Variants in ATL2 observed in about 807,000 individuals in gnomAD.
ATL2 encodes the protein atlastin-2.
A neutral mutation model predicts 73.9 loss-of-function variants in ATL2; 31 were observed. The ratio of observed to expected loss-of-function variants is 0.42; its 90% CI spans 0.32 to 0.57. The LOEUF is 0.57. Among genes scored for constraint, ATL2 ranks in the 20% least tolerant of loss-of-function variants. ATL2 has a pLI of 0.14. For synonymous variants in ATL2, 291 were observed against 237.5 expected, an observed-to-expected ratio of 1.23 and a Z score of -2.07; for missense variants, 738 against 702.6, an observed-to-expected ratio of 1.05 and a Z score of -0.57.
intron 1 of ATL2, among the ~76,000 whole-genome samples, chr2:38,346,034 A>C (rs1669998485): frequency 6.6e-6 from 1 of 152,224 alleles, no homozygotes. Context: ...CCAAAATGCT[A>C]TGGTGATTTT....
At chr2:38,375,931 T>C (rs1362919494) in intron 1 of ATL2, among the ~76,000 whole-genome samples, 1 of 152,224 alleles carries the variant, frequency 6.6e-6, no homozygotes, top group Non-Finnish European at 1.5e-5. Flanking sequence ...CGCCAAGAAC[T>C]ACCAGGAATG....
In ATL2 at chr2:38,309,459, G is replaced by A; in HGVS notation, c.991C>T (p.Leu331=). The change falls in exon 9 of 13, where the codon CTG becomes TTG. Residue 331 remains leucine, a synonymous_variant. Transcript: ENST00000378954. ...KRELRNLVPL[L]LAPENLVEKE... Reference sequence around the variant, plus strand: ...TCTACCAAATTTTCAGGGGCAAGCAGCAATGGAACCAGATTTCGAAGCTCT... The same window carrying A: ...TCTACCAAATTTTCAGGGGCAAGCAACAATGGAACCAGATTTCGAAGCTCT... 2 of 1,612,638 alleles carry A rather than the reference G, an allele frequency of 1.2e-6. No individual in the cohort carries two copies. The highest frequency in any genetic ancestry group is 1.7e-6 in the Non-Finnish European group (2 of 1,179,662).
chr2:38,318,901 C>T lies in ATL2; in HGVS notation c.482G>A (p.Arg161Lys). Residue 161 changes from arginine to lysine, a missense_variant, in exon 3 of 13, where the codon AGA becomes AAA. Coordinates refer to ENST00000378954, the MANE Select transcript of ATL2 (RefSeq NM_001135673.4). ...GAATTTTACTTTAGTTCCATTAGGTCTGTCAATCACAAATACTTCATTCCA... is the reference window on the plus strand; with the variant it reads ...GAATTTTACTTTAGTTCCATTAGGTTTGTCAATCACAAATACTTCATTCCA... ...QVWNEVFVIDRPNGTKVAVLL... is the reference protein window; with the variant it reads ...QVWNEVFVIDKPNGTKVAVLL... 2 of 1,613,246 alleles carry T rather than the reference C, an allele frequency of 1.2e-6. No individual in the cohort carries two copies. The highest frequency in any genetic ancestry group is 1.7e-6 in the Non-Finnish European group (2 of 1,179,808).
intron 2 of ATL2, among the ~76,000 whole-genome samples, chr2:38,341,196 C>T (rs902514170): frequency 2.0e-5 from 3 of 152,136 alleles, no homozygotes; most frequent in African/African-American, 7.2e-5. Flanking sequence ...CAGATAGATA[C>T]AATATACACA....
intron 9 of ATL2, among the ~76,000 whole-genome samples, chr2:38,305,647 A>G (rs556884961): frequency 6.6e-6 from 1 of 152,328 alleles, no homozygotes; most frequent in Admixed American, 6.5e-5. Context: ...ATACAAACAC[A>G]TGGAAATTAT....
At chr2:38,375,170 G>C (rs1403185968) in intron 1 of ATL2, among the ~76,000 whole-genome samples, 2 of 152,106 alleles carry the variant, frequency 1.3e-5, no homozygotes, top group African/African-American at 4.8e-5. Flanking sequence ...ACCCCAACTT[G>C]GTTTTTGAAG....
At chr2:38,373,124 A>T (rs1671776487) in intron 1 of ATL2, among the ~76,000 whole-genome samples, 1 of 152,174 alleles carries the variant, frequency 6.6e-6, no homozygotes, top group Non-Finnish European at 1.5e-5. Flanking sequence ...TCACTACCTT[A>T]TATGAGGGCT....
chr2:38,298,844 T>C (rs1474717450), intron 11 of ATL2, among the ~76,000 whole-genome samples: 1 of 152,176 alleles, frequency 6.6e-6, no homozygotes, highest in Non-Finnish European at 1.5e-5. Flanking sequence ...CACTTGACCA[T>C]CATATACCAT....
chr2:38,327,091 G>C (rs1311216014), intron 2 of ATL2, among the ~76,000 whole-genome samples: 1 of 151,956 alleles, frequency 6.6e-6, no homozygotes, highest in Non-Finnish European at 1.5e-5. Flanking sequence ...CTAGAATTCT[G>C]TATCCAGTAA....
Position 38,352,798 on chromosome 2 carries a change from G to A in ATL2, c.119-9286C>T, listed in dbSNP as rs570141424. On this transcript the variant is annotated intron_variant, in intron 1 of 12. Coordinates refer to ENST00000378954, the MANE Select transcript of ATL2 (RefSeq NM_001135673.4). ...GTCAAGTTCTAGAGTAAGGCCTACT[G>A]ACAATCCATCCAATCAAAGCCTAAA... Among the ~76,000 whole-genome samples, 3 of 152,322 alleles carry A rather than the reference G, an allele frequency of 2.0e-5. No individual in the cohort carries two copies. In the East Asian group the frequency reaches 5.8e-4, roughly 29 times the overall value.
chr2:38,369,427 A>T (rs1332821321), intron 1 of ATL2, among the ~76,000 whole-genome samples: 1 of 152,036 alleles, frequency 6.6e-6, no homozygotes, highest in Non-Finnish European at 1.5e-5. Context: ...TGGGCGACAG[A>T]GTAAGACTCT....
chr2:38,298,823 G>T (rs558438995), intron 11 of ATL2, among the ~76,000 whole-genome samples: 4 of 152,162 alleles, frequency 2.6e-5, no homozygotes, highest in Non-Finnish European at 5.9e-5. Flanking sequence ...ACTGTGCTCT[G>T]TATCTGCCTT....
chr2:38,298,348 G>C lies in ATL2; in HGVS notation c.1428C>G (p.Ala476=). 6.2e-7 allele frequency: 1 copy of C among 1,614,224 alleles called. No individual in the cohort carries two copies. The highest frequency in any genetic ancestry group is 8.5e-7 in the Non-Finnish European group (1 of 1,180,024). ...TAGCAAACATGACCGCAAACAGTGT[G>C]GCTGGGGTACGAGCAGCATAGAAGA... ...KNIFYAARTP[A]TLFAVMFAMY... The change falls in exon 12 of 13, where the codon GCC becomes GCG. Residue 476 remains alanine, a synonymous_variant. Coordinates refer to ENST00000378954, the MANE Select transcript of ATL2 (RefSeq NM_001135673.4).
chr2:38,355,082 G>A (rs1025694512), intron 1 of ATL2, among the ~76,000 whole-genome samples: 9 of 141,330 alleles, frequency 6.4e-5, no homozygotes, highest in East Asian at 2.0e-4. Flanking sequence ...CAATAAAAAC[G>A]CAGAGACTGC....
intron 1 of ATL2, among the ~76,000 whole-genome samples, chr2:38,354,529 G>C (rs1458144638): frequency 6.6e-6 from 1 of 152,118 alleles, no homozygotes; most frequent in Non-Finnish European, 1.5e-5. Flanking sequence ...ATATATTAAA[G>C]ATGAATATCA....
intron 2 of ATL2, among the ~76,000 whole-genome samples, chr2:38,341,885 TC>T (rs1669742447): frequency 6.6e-6 from 1 of 152,188 alleles, no homozygotes; most frequent in Admixed American, 6.5e-5. Context: ...GTCACAGAAC[TC>T]ATAAAGGTGA....
At position 38,310,357 on chromosome 2, in the gene ATL2, G is replaced by A; in HGVS notation, c.895C>T (p.Pro299Ser). 6.2e-7 allele frequency: 1 copy of A among 1,611,356 alleles called. No homozygotes were observed. Among genetic ancestry groups the A allele is most frequent in the Non-Finnish European group, 8.5e-7 (1 of 1,178,956 alleles). Residue 299 changes from proline to serine, a missense_variant, in exon 8 of 13, where the codon CCT becomes TCT. Coordinates refer to ENST00000378954, the MANE Select transcript of ATL2 (RefSeq NM_001135673.4). ...SNLGCFLLPHPGLKVATNPSF... is the reference protein window; with the variant it reads ...SNLGCFLLPHSGLKVATNPSF... Reference sequence around the variant, plus strand: ...GGATTAGTTGCAACTTTAAGACCAGGATGTGGCAAAAGGAAGCAACCAAGA... The same window carrying A: ...GGATTAGTTGCAACTTTAAGACCAGAATGTGGCAAAAGGAAGCAACCAAGA...
chr2:38,314,638 C>T lies in ATL2; in HGVS notation c.681G>A (p.Ala227=), dbSNP rs755352966. 10 of 1,599,052 alleles carry T rather than the reference C, an allele frequency of 6.3e-6. No homozygotes were observed. The African/African-American group carries it at 8.1e-5, about 13-fold the overall frequency. The part of the protein sequence containing the change: ...LQLFTEYGRL[A]MEEIYQKPFQ... ...ATGGTTTCTGGTAGATTTCTTCCAT[C>T]GCAAGTCTTCCATACTCTGTAAATA... Residue 227 remains alanine (A), a synonymous_variant, in exon 6 of 13, where the codon GCG becomes GCA. Transcript: ENST00000378954.
Position 38,313,900 on chromosome 2 carries a change from G to GA in ATL2, c.712-658dup, listed in dbSNP as rs1472048234. ...TGGGTGGCAAAATGATCCCAGTTCA[G>GA]AAAAAACTGATATAGGCCAAATAGG... is the stretch of plus-strand genomic sequence containing the variant. On this transcript the variant is annotated intron_variant, in intron 6 of 12. Coordinates refer to ENST00000378954, the MANE Select transcript of ATL2 (RefSeq NM_001135673.4). 3.3e-5 allele frequency among the ~76,000 whole-genome samples: 5 copies of GA among 152,052 alleles called. No homozygotes were observed. In the East Asian group the frequency reaches 9.7e-4, roughly 29 times the overall value.
Sources: gnomAD v4.1 joint callset for allele counts (sites outside exome capture counted in the v4.1 genomes callset) on GRCh38, gnomAD v4.1.1 for gene constraint, MANE v1.5 for transcripts, NCBI Gene and HGNC (gene_info 2026-07-23, HGNC 2026-07-21) for gene names.